CRPPA: variants seen among roughly 807,000 people sequenced by gnomAD.
The protein encoded by CRPPA is D-ribitol-5-phosphate cytidylyltransferase.
CRPPA carries 43 observed loss-of-function variants against 52.0 expected under a neutral mutation model. The observed-to-expected ratio is 0.83, with a 90% CI of 0.65 to 1.07. CRPPA has a LOEUF of 1.07. Among genes scored for constraint, CRPPA ranks in the 50% least tolerant of loss-of-function variants. CRPPA has a pLI of 0.00. For synonymous variants in CRPPA, 250 were observed against 203.5 expected, an observed-to-expected ratio of 1.23 and a Z score of -1.94; for missense variants, 629 against 551.7, an observed-to-expected ratio of 1.14 and a Z score of -1.40.
intron 9 of CRPPA, among the ~76,000 whole-genome samples, chr7:16,158,264 C>T (rs1352405626): frequency 6.6e-6 from 1 of 152,016 alleles, no homozygotes; most frequent in Non-Finnish European, 1.5e-5. Flanking sequence ...AAACATTTTT[C>T]CTTTGTACCA....
chr7:16,310,842 T>C (rs774716784), intron 3 of CRPPA, among the ~76,000 whole-genome samples: 30 of 151,508 alleles, frequency 2.0e-4, no homozygotes, highest in Non-Finnish European at 3.8e-4. Flanking sequence ...TGGGACTTCA[T>C]AGAAACAATA....
At chr7:16,192,291 T>A (rs533888975) in intron 9 of CRPPA, among the ~76,000 whole-genome samples, 2 of 152,190 alleles carry the variant, frequency 1.3e-5, no homozygotes, top group South Asian at 4.1e-4. Flanking sequence ...TGGTTCTGTG[T>A]CTCTGGAGAA....
intron 9 of CRPPA, among the ~76,000 whole-genome samples, chr7:16,193,806 C>T (rs939716491): frequency 6.6e-6 from 1 of 152,044 alleles, no homozygotes; most frequent in African/African-American, 2.4e-5. Context: ...ACAACTCCTC[C>T]GTGCGCTTAT....
chr7:16,260,622 T>C (rs1389009645), intron 6 of CRPPA, among the ~76,000 whole-genome samples: 1 of 152,002 alleles, frequency 6.6e-6, no homozygotes, highest in African/African-American at 2.4e-5. Context: ...TAAGGTATAG[T>C]CTCACATCCT....
chr7:16,216,802 T>A (rs1264442484), intron 8 of CRPPA, among the ~76,000 whole-genome samples: 1 of 150,886 alleles, frequency 6.6e-6, no homozygotes, highest in Non-Finnish European at 1.5e-5. Context: ...GCCCACGGAG[T>A]CTCACTGATT....
intron 8 of CRPPA, among the ~76,000 whole-genome samples, chr7:16,236,950 GCACACA>G (rs67679435): frequency 2.7e-5 from 4 of 149,584 alleles, no homozygotes; most frequent in Non-Finnish European, 5.9e-5. Flanking sequence ...TCGTGCGCGC[GCACACA>G]CACACACACA....
At chr7:16,377,357 GAAGAT>G (rs1055184535) in intron 2 of CRPPA, among the ~76,000 whole-genome samples, 1 of 152,188 alleles carries the variant, frequency 6.6e-6, no homozygotes, top group African/African-American at 2.4e-5. Context: ...AGTAGAGCTA[GAAGAT>G]AAGACAGGAA....
chr7:16,204,758 G>A (rs953948721), intron 9 of CRPPA, among the ~76,000 whole-genome samples: 1 of 152,168 alleles, frequency 6.6e-6, no homozygotes. Flanking sequence ...AAGTAAAACT[G>A]AAAAGTCATA....
chr7:16,180,284 T>C (rs778679111), intron 9 of CRPPA, among the ~76,000 whole-genome samples: 2 of 152,060 alleles, frequency 1.3e-5, no homozygotes, highest in African/African-American at 2.4e-5. Flanking sequence ...AATGCTAATA[T>C]ACAGATAGGG....
At chr7:16,288,449 T>A (rs1583494382) in intron 5 of CRPPA, among the ~76,000 whole-genome samples, 1 of 151,636 alleles carries the variant, frequency 6.6e-6, no homozygotes, top group African/African-American at 2.4e-5. Context: ...TTTATTAGGA[T>A]GTAACATAAC....
At chr7:16,341,151 T>C (rs1303662159) in intron 3 of CRPPA, among the ~76,000 whole-genome samples, 4 of 152,118 alleles carry the variant, frequency 2.6e-5, no homozygotes, top group Non-Finnish European at 5.9e-5. Context: ...TCCTATGTAA[T>C]ATTATAATGG....
Position 16,165,628 on chromosome 7 carries a change from C to A in CRPPA, c.1251+50438G>T, listed in dbSNP as rs138714977. On this transcript the variant is annotated intron_variant, in intron 9 of 9. Coordinates refer to ENST00000407010, the MANE Select transcript of CRPPA (RefSeq NM_001101426.4). Reference sequence around the variant, plus strand: ...TATATTCATTGTCAGATGGAACCCACATGCAAATGCAAATTCAAAAACAGC... The same window carrying A: ...TATATTCATTGTCAGATGGAACCCAAATGCAAATGCAAATTCAAAAACAGC... Among the ~76,000 whole-genome samples, 88 of 152,340 alleles carry A rather than the reference C, an allele frequency of 5.8e-4. 1 individual carries two copies. Among genetic ancestry groups the A allele is most frequent in the African/African-American group, 2.1e-3 (86 of 41,578 alleles).
At chr7:16,209,276 T>TTA (rs1782062045) in intron 9 of CRPPA, 1 of 170,688 alleles carries the variant, frequency 5.9e-6, no homozygotes, top group South Asian at 9.0e-5. Flanking sequence ...TAAGTGTCTT[T>TTA]TTTTTTTTTT....
chr7:16,382,980 C>A (rs1787152355), intron 2 of CRPPA, among the ~76,000 whole-genome samples: 1 of 152,230 alleles, frequency 6.6e-6, no homozygotes, highest in Non-Finnish European at 1.5e-5. Context: ...CTGAAGCCTT[C>A]TTCTCTCAAC....
At position 16,364,782 on chromosome 7, in the gene CRPPA, G is replaced by T. The variant is rs1335521203; in HGVS notation, c.684+11310C>A. 2.6e-5 allele frequency among the ~76,000 whole-genome samples: 4 copies of T among 152,220 alleles called. No homozygotes were observed. In the East Asian group the frequency reaches 7.7e-4, roughly 29 times the overall value. ...ATCTGCCCATCAAGCAAATCAGGGA[G>T]TAAATTTTGTCATGGCTTGATTTTT... On this transcript the variant is annotated intron_variant, in intron 3 of 9. Coordinates refer to ENST00000407010, the MANE Select transcript of CRPPA (RefSeq NM_001101426.4).
intron 9 of CRPPA, among the ~76,000 whole-genome samples, chr7:16,171,453 T>G (rs960591016): frequency 1.3e-5 from 2 of 152,298 alleles, no homozygotes; most frequent in East Asian, 1.9e-4. Flanking sequence ...CCAAGAAAAT[T>G]TGTTTAGAAC....
At chr7:16,121,828 A>G (rs561699304) in intron 9 of CRPPA, among the ~76,000 whole-genome samples, 1 of 152,162 alleles carries the variant, frequency 6.6e-6, no homozygotes, top group East Asian at 1.9e-4. Context: ...TTAAACCAAA[A>G]CATACATTGA....
chr7:16,224,599 T>G (rs1381565342), intron 8 of CRPPA, among the ~76,000 whole-genome samples: 1 of 152,126 alleles, frequency 6.6e-6, no homozygotes, highest in African/African-American at 2.4e-5. Context: ...ACCAGAGAGA[T>G]TCTTTGAATC....
At chr7:16,251,208 A>G (rs1478542613) in intron 8 of CRPPA, among the ~76,000 whole-genome samples, 1 of 152,202 alleles carries the variant, frequency 6.6e-6, no homozygotes, top group Admixed American at 6.5e-5. Flanking sequence ...CCAATACAGG[A>G]GCACCCAGAT....
Sources: gnomAD v4.1 joint callset for allele counts (sites outside exome capture counted in the v4.1 genomes callset) on GRCh38, gnomAD v4.1.1 for gene constraint, MANE v1.5 for transcripts, NCBI Gene and HGNC (gene_info 2026-07-23, HGNC 2026-07-21) for gene names.